The following NEDD9 variants were observed in gnomAD, a reference collection of about 807,000 sequenced individuals.
NEDD9 encodes the protein enhancer of filamentation 1.
A neutral mutation model predicts 76.6 loss-of-function variants in NEDD9; 26 were observed. That is an observed-to-expected ratio of 0.34 (90% CI 0.25 to 0.47). NEDD9 has a LOEUF of 0.47. Ranked by LOEUF, NEDD9 falls within the 20% of genes least tolerant of loss-of-function variation. The pLI is 1.00. For synonymous variants in NEDD9, 392 were observed against 414.2 expected (o/e 0.95, Z 0.65); for missense variants, 937 against 1,058.5 (o/e 0.89, Z 1.59).
At chr6:11,264,479 A>G (rs771773630) in intron 3 of NEDD9, among the ~76,000 whole-genome samples, 7 of 152,212 alleles carry the variant, frequency 4.6e-5, no homozygotes, top group Non-Finnish European at 1.0e-4. Context: ...CTTGAGTAAG[A>G]AAGCAGGAGG....
At chr6:11,205,247 A>G (rs999787341) in intron 2 of NEDD9, among the ~76,000 whole-genome samples, 13 of 152,328 alleles carry the variant, frequency 8.5e-5, no homozygotes, top group Admixed American at 7.8e-4. Context: ...GGTGCACCTC[A>G]CGAGGCTGTG....
intron 1 of NEDD9, among the ~76,000 whole-genome samples, chr6:11,215,095 G>A (rs986715070): frequency 2.6e-5 from 4 of 152,088 alleles, no homozygotes; most frequent in East Asian, 1.9e-4. Flanking sequence ...TGTGTTTTCC[G>A]CTCTGGAGGG....
intron 2 of NEDD9, among the ~76,000 whole-genome samples, chr6:11,207,274 C>T (rs1211287640): frequency 6.6e-6 from 1 of 152,166 alleles, no homozygotes; most frequent in Non-Finnish European, 1.5e-5. Flanking sequence ...TCTGGGCAAC[C>T]AGATTGCACA....
chr6:11,246,453 C>T (rs1015978894), intron 3 of NEDD9, among the ~76,000 whole-genome samples: 1 of 152,182 alleles, frequency 6.6e-6, no homozygotes, highest in Non-Finnish European at 1.5e-5. Context: ...CCGGGCCCCA[C>T]CAGTTACCTG....
rs1226283753 is a variant in NEDD9, at chr6:11,190,923, C to T, written c.946G>A (p.Ala316Thr). The stretch of plus-strand genomic sequence containing the variant: ...TGAACGCCTCGGGGGACATCATATG[C>T]GTCGTTCTGAGAGCCCACTGACTGT... ...LGQSVGSQND[A>T]YDVPRGVQFL... Residue 316 changes from alanine to threonine, a missense_variant, in exon 5 of 7, where the codon GCA (alanine) becomes ACA (threonine). By Grantham distance (58) the Ala-to-Thr change is moderately conservative. Transcript: ENST00000379446. The surrounding 1 kb of genome is among the most constrained non-coding windows in gnomAD (Gnocchi z 5.8). 13 of 1,614,058 alleles carry T rather than the reference C, an allele frequency of 8.1e-6. 1 individual carries two copies. Among genetic ancestry groups the T allele is most frequent in the South Asian group, 3.3e-5 (3 of 91,078 alleles).
chr6:11,320,475 G>A (rs900138947), intron 2 of NEDD9, among the ~76,000 whole-genome samples: 3 of 152,154 alleles, frequency 2.0e-5, no homozygotes, highest in East Asian at 1.9e-4. Flanking sequence ...TACGATAAGC[G>A]ATTTGTTCGT....
chr6:11,365,829 A>G (rs887490805), intron 1 of NEDD9, among the ~76,000 whole-genome samples: 1 of 151,930 alleles, frequency 6.6e-6, no homozygotes, highest in Non-Finnish European at 1.5e-5. Flanking sequence ...TGTCTCTACT[A>G]AAAATACAAA....
chr6:11,247,359 G>C (rs879378732), intron 3 of NEDD9, among the ~76,000 whole-genome samples: 1 of 152,088 alleles, frequency 6.6e-6, no homozygotes, highest in Non-Finnish European at 1.5e-5. Flanking sequence ...AATCCCTAAT[G>C]CTGCCCCGCC....
At chr6:11,355,789 C>T (rs1032022669) in intron 1 of NEDD9, among the ~76,000 whole-genome samples, 1 of 151,998 alleles carries the variant, frequency 6.6e-6, no homozygotes, top group African/African-American at 2.4e-5. Context: ...GGCGCGATCT[C>T]CGCTCACTGC....
Position 11,190,191 on chromosome 6 carries a change from C to T in NEDD9, c.1678G>A (p.Gly560Ser), listed in dbSNP as rs374506429. 3.5e-4 allele frequency: 563 copies of T among 1,614,166 alleles called. 5 individuals carry two copies. The South Asian group carries it at 5.6e-3, about 16-fold the overall frequency. ...NTNAEALFRP[G>S]PGSLHLKNGP... ...TTCTTCAGATGCAAGCTGCCAGGGCCGGGTCTGAAGAGGGCCTCTGCGTTG... is the reference window on the plus strand; with the variant it reads ...TTCTTCAGATGCAAGCTGCCAGGGCTGGGTCTGAAGAGGGCCTCTGCGTTG... The change falls in exon 5 of 7, where the codon GGC becomes AGC. Residue 560 changes from glycine (G) to serine (S), a missense_variant. Physicochemically the swap from Gly to Ser is moderately conservative, Grantham distance 56 (BLOSUM62 0). Transcript: ENST00000379446. The surrounding 1 kb of genome is among the most constrained non-coding windows in gnomAD (Gnocchi z 5.8).
chr6:11,311,935 A>T (rs1460784965), intron 2 of NEDD9, among the ~76,000 whole-genome samples: 1 of 152,082 alleles, frequency 6.6e-6, no homozygotes, highest in African/African-American at 2.4e-5. Flanking sequence ...TCTCTGCAAG[A>T]TTTCACACCA....
chr6:11,300,228 T>C (rs1362969858), intron 3 of NEDD9, among the ~76,000 whole-genome samples: 3 of 152,088 alleles, frequency 2.0e-5, no homozygotes, highest in African/African-American at 7.2e-5. Context: ...CAAGATTCAA[T>C]AGCCTATTCG....
chr6:11,200,978 G>T, intron 2 of NEDD9: 1 of 1,614,224 alleles, frequency 6.2e-7, no homozygotes, highest in Non-Finnish European at 8.5e-7. Flanking sequence ...TTTCAGTGGA[G>T]GTTCACAAGC....
At chr6:11,222,565 C>T (rs909464902) in intron 1 of NEDD9, among the ~76,000 whole-genome samples, 2 of 152,206 alleles carry the variant, frequency 1.3e-5, no homozygotes, top group Non-Finnish European at 2.9e-5. Context: ...GAGACAAGCT[C>T]TTACACGCAC....
intron 2 of NEDD9, among the ~76,000 whole-genome samples, chr6:11,316,889 T>C (rs755238135): frequency 6.6e-6 from 1 of 152,198 alleles, no homozygotes; most frequent in African/African-American, 2.4e-5. Context: ...GCATGGATGC[T>C]AGTATCATTC....
intron 3 of NEDD9, among the ~76,000 whole-genome samples, chr6:11,302,469 C>T (rs1761075618): frequency 6.6e-6 from 1 of 152,184 alleles, no homozygotes; most frequent in African/African-American, 2.4e-5. Context: ...CCTTCTGAAA[C>T]TATTTCAATC....
intron 3 of NEDD9, among the ~76,000 whole-genome samples, chr6:11,286,870 G>A (rs143619359): frequency 6.6e-6 from 1 of 152,284 alleles, no homozygotes; most frequent in East Asian, 1.9e-4. Context: ...GAAAACTTCT[G>A]GAGGTGATGG....
At chr6:11,187,783 TAGAA>T (rs1466164999) in intron 6 of NEDD9, among the ~76,000 whole-genome samples, 1 of 152,164 alleles carries the variant, frequency 6.6e-6, no homozygotes, top group Non-Finnish European at 1.5e-5. Context: ...AGTAGACTGA[TAGAA>T]AGAAGCAAAG....
chr6:11,366,408 G>GAA (rs200504875), intron 1 of NEDD9, among the ~76,000 whole-genome samples: 1 of 136,858 alleles, frequency 7.3e-6, no homozygotes, highest in South Asian at 2.3e-4. Context: ...AATAAAAGAA[G>GAA]AAAGAAAAAA....
Sources: allele counts gnomAD v4.1 joint callset (sites outside exome capture counted in the v4.1 genomes callset), GRCh38; gene constraint gnomAD v4.1.1; non-coding constraint Gnocchi (gnomAD v3.1); transcripts MANE v1.5; gene names NCBI Gene and HGNC (gene_info 2026-07-23, HGNC 2026-07-21).